Variants in MLLT3 observed in about 807,000 individuals in gnomAD.
MLLT3 encodes the protein protein AF-9.
In MLLT3, 4 loss-of-function variants were observed where a neutral mutation model predicts 53.2. The observed-to-expected ratio is 0.08, with a 90% CI of 0.04 to 0.17. The LOEUF (loss-of-function observed/expected upper bound fraction) is 0.17, where lower values mean the gene tolerates loss of function less well. Among genes scored for constraint, MLLT3 ranks in the 10% least tolerant of loss-of-function variants. The pLI, the probability that MLLT3 is intolerant of heterozygous loss-of-function variation, is 1.00. For missense variants in MLLT3, 569 were observed against 684.0 expected, an observed-to-expected ratio of 0.83 and a Z score of 1.87; for synonymous variants, 283 against 230.6, an observed-to-expected ratio of 1.23 and a Z score of -2.06.
In MLLT3 at chr9:20,621,256, C is replaced by A. The variant is rs991626620; in HGVS notation, c.13-422G>T. On this transcript the variant is annotated intron_variant, in intron 1 of 10. Transcript: ENST00000380338. The surrounding 1 kb of genome is among the most constrained non-coding windows in gnomAD (Gnocchi z 7.0). ...GGGGGACCGAAGGGCTCCTGGCGAG[C>A]CCCCTCCCCGAAAGTACCGCGGCGA... Among the ~76,000 whole-genome samples, 2 of 152,154 alleles carry A rather than the reference C, an allele frequency of 1.3e-5. No homozygotes were observed. Among genetic ancestry groups the A allele is most frequent in the African/African-American group, 4.8e-5 (2 of 41,460 alleles).
chr9:20,353,724 G>A (rs1821094322), intron 9 of MLLT3, 128 bp from the exon 10 acceptor site: 1 of 769,932 alleles, frequency 1.3e-6, no homozygotes, highest in African/African-American at 1.7e-5. Context: ...CTCTAGCCCA[G>A]GCTGTGTGCA....
Position 20,400,807 on chromosome 9 carries a change from A to C in MLLT3, c.1125+12914T>G, listed in dbSNP as rs142702215. On this transcript the variant is annotated intron_variant, in intron 5 of 10. Transcript: ENST00000380338. Reference sequence around the variant, plus strand: ...AGTGCTGCAGTTTTGAAACTATGGAATGTTTCATTAAACTGCCAATTGTGA... The same window carrying C: ...AGTGCTGCAGTTTTGAAACTATGGACTGTTTCATTAAACTGCCAATTGTGA... Among the ~76,000 whole-genome samples, 336 of 152,292 alleles carry C rather than the reference A, an allele frequency of 2.2e-3. 2 individuals carry two copies. Among genetic ancestry groups the C allele is most frequent in the African/African-American group, 7.8e-3 (325 of 41,584 alleles).
chr9:20,615,462 G>A lies in MLLT3; in HGVS notation c.193+5192C>T, dbSNP rs1009320413. ...ACCCAAGTTTAAATTATCCTTTTCT[G>A]AAAACAATTTTGTTAGGTAATCATT... is the stretch of plus-strand genomic sequence containing the variant. On this transcript the variant is annotated intron_variant, in intron 2 of 10. Transcript: ENST00000380338. Among the ~76,000 whole-genome samples, 3 of 143,602 alleles carry A rather than the reference G, an allele frequency of 2.1e-5. No individual in the cohort carries two copies. In the South Asian group the frequency reaches 6.8e-4, roughly 33 times the overall value. The allele number at this position is 143,602 out of a possible 152,430, so 94.2% of individuals were successfully genotyped here.
chr9:20,421,922 G>A (rs1327697425), intron 4 of MLLT3, among the ~76,000 whole-genome samples: 1 of 152,090 alleles, frequency 6.6e-6, no homozygotes, highest in East Asian at 1.9e-4. Context: ...AGCAAGATAT[G>A]AGTTCATATT....
rs1420992790 is a variant in MLLT3, at chr9:20,343,868, G to C, written c.*2575C>G. On this transcript the variant is annotated 3_prime_UTR_variant, in exon 11 of 11. Transcript: ENST00000380338. The stretch of plus-strand genomic sequence containing the variant: ...GTATATAAATGTGACAGAACTGAAG[G>C]GGTTACTTTAAGAGAGGTATTAAAA... The C allele has an allele frequency of 4.8e-6, 1 of 207,216 alleles. No homozygotes were observed. The highest frequency in any genetic ancestry group is 9.8e-6 in the Non-Finnish European group (1 of 101,836). The allele number at this position is 207,216 out of a possible 1,614,324, so 12.8% of individuals were successfully genotyped here.
At chr9:20,420,314 G>C (rs796240763) in intron 4 of MLLT3, among the ~76,000 whole-genome samples, 9 of 152,280 alleles carry the variant, frequency 5.9e-5, no homozygotes, top group African/African-American at 2.2e-4. Flanking sequence ...TAAACTGTCA[G>C]ACTGGGCTAA....
intron 2 of MLLT3, among the ~76,000 whole-genome samples, chr9:20,583,551 T>C (rs1819863224): frequency 1.3e-5 from 2 of 152,224 alleles, no homozygotes; most frequent in Non-Finnish European, 1.5e-5. Flanking sequence ...CCTGGGCATC[T>C]GGCATTTCCA....
intron 2 of MLLT3, among the ~76,000 whole-genome samples, chr9:20,596,879 G>A (rs1027391533): frequency 6.6e-6 from 1 of 152,174 alleles, no homozygotes; most frequent in Middle Eastern, 3.4e-3. Flanking sequence ...AAGCAATTTG[G>A]GGGAGTATTG....
At chr9:20,477,877 C>A (rs1332183849) in intron 2 of MLLT3, among the ~76,000 whole-genome samples, 5 of 152,188 alleles carry the variant, frequency 3.3e-5, no homozygotes, top group Non-Finnish European at 5.9e-5. Context: ...ATATTTTCTA[C>A]GACTGTATGT....
At chr9:20,385,793 A>AT in intron 5 of MLLT3, among the ~76,000 whole-genome samples, 1 of 152,286 alleles carries the variant, frequency 6.6e-6, no homozygotes, top group South Asian at 2.1e-4. Context: ...GTCTCATATA[A>AT]TTATATACCA....
chr9:20,412,049 T>C (rs1252380227), intron 5 of MLLT3: 1 of 152,232 alleles, frequency 6.6e-6, no homozygotes, highest in African/African-American at 2.4e-5. Flanking sequence ...GTTAAATTTA[T>C]TTCACAGCTC....
intron 2 of MLLT3, among the ~76,000 whole-genome samples, chr9:20,565,653 T>C (rs981111662): frequency 4.0e-5 from 6 of 151,798 alleles, no homozygotes; most frequent in African/African-American, 1.5e-4. Flanking sequence ...CGAATTACGG[T>C]ACCTTTTCAA....
At chr9:20,441,980 T>A (rs923321559) in intron 4 of MLLT3, among the ~76,000 whole-genome samples, 1 of 152,170 alleles carries the variant, frequency 6.6e-6, no homozygotes, top group African/African-American at 2.4e-5. Context: ...TAAAGAGGCT[T>A]CCGTATCTTT....
intron 2 of MLLT3, among the ~76,000 whole-genome samples, chr9:20,614,781 G>C (rs1820783353): frequency 6.6e-6 from 1 of 152,060 alleles, no homozygotes; most frequent in African/African-American, 2.4e-5. Flanking sequence ...CTATATCTTA[G>C]AACTGTAAAA....
intron 2 of MLLT3, among the ~76,000 whole-genome samples, chr9:20,599,857 T>C (rs1444561915): frequency 1.3e-5 from 2 of 152,208 alleles, no homozygotes; most frequent in Admixed American, 6.5e-5. Context: ...TCTTCAGTCT[T>C]GGATGCCACG....
chr9:20,438,074 A>C (rs1823449689), intron 4 of MLLT3, among the ~76,000 whole-genome samples: 1 of 152,246 alleles, frequency 6.6e-6, no homozygotes, highest in Admixed American at 6.5e-5. Context: ...ATAAGCTAAA[A>C]GCACAAAGCA....
At chr9:20,413,424 T>C (rs988865109) in intron 5 of MLLT3, among the ~76,000 whole-genome samples, 8 of 152,200 alleles carry the variant, frequency 5.3e-5, no homozygotes, top group African/African-American at 1.7e-4. Context: ...AAAGCATAGA[T>C]ACCAAGCTTT....
intron 5 of MLLT3, among the ~76,000 whole-genome samples, chr9:20,403,370 C>T (rs554177374): frequency 6.6e-6 from 1 of 152,302 alleles, no homozygotes; most frequent in South Asian, 2.1e-4. Context: ...GACCACAGAG[C>T]TGTTAATGTA....
chr9:20,498,401 C>A (rs1441153944), intron 2 of MLLT3, among the ~76,000 whole-genome samples: 2 of 151,976 alleles, frequency 1.3e-5, no homozygotes, highest in East Asian at 3.9e-4. Flanking sequence ...TGTCGAGTAT[C>A]TTTTCTTGTG....
Sources: gnomAD v4.1 joint callset for allele counts (sites outside exome capture counted in the v4.1 genomes callset) on GRCh38, gnomAD v4.1.1 for gene constraint, Gnocchi (gnomAD v3.1) non-coding constraint, MANE v1.5 for transcripts, NCBI Gene and HGNC (gene_info 2026-07-23, HGNC 2026-07-21) for gene names.